Variants in MCU observed in about 807,000 individuals in gnomAD.
MCU encodes mitochondrial calcium uniporter.
A neutral mutation model predicts 45.2 loss-of-function variants in MCU; 12 were observed. That is an observed-to-expected ratio of 0.27 (90% CI 0.17 to 0.43). The LOEUF (loss-of-function observed/expected upper bound fraction) is 0.43. Among genes scored for constraint, MCU ranks in the 20% least tolerant of loss-of-function variants. The pLI is 1.00. For synonymous variants in MCU, 160 were observed against 165.1 expected (o/e 0.97, Z 0.24); for missense variants, 324 against 436.7 (o/e 0.74, Z 2.30).
intron 1 of MCU, among the ~76,000 whole-genome samples, chr10:72,700,129 G>A (rs1159957526): frequency 2.1e-5 from 3 of 143,032 alleles, no homozygotes; most frequent in Admixed American, 1.5e-4. Context: ...GTGTGATCTC[G>A]GCTCACTACA....
intron 1 of MCU, among the ~76,000 whole-genome samples, chr10:72,701,203 TATAG>T (rs1842755029): frequency 6.6e-6 from 1 of 152,244 alleles, no homozygotes; most frequent in Admixed American, 6.5e-5. Flanking sequence ...ACTTGGTTTC[TATAG>T]ATAGAGGAAT....
At chr10:72,696,483 A>G (rs1842689290) in intron 1 of MCU, among the ~76,000 whole-genome samples, 1 of 152,060 alleles carries the variant, frequency 6.6e-6, no homozygotes, top group African/African-American at 2.4e-5. Context: ...AACATTTCCT[A>G]GTTTGAATCT....
rs897957920 is a variant in MCU at position 72,774,221 on chromosome 10, G to A, written c.151-60138G>A. ...AGCAACCTGTTAAGAGATAGGTAAT[G>A]TAGGTAATATTAAAAATGTAAATTG... On this transcript the variant is annotated intron_variant, in intron 1 of 7. Coordinates refer to ENST00000373053, the MANE Select transcript of MCU (RefSeq NM_138357.3). 3.3e-5 allele frequency among the ~76,000 whole-genome samples: 5 copies of A among 152,150 alleles called. No homozygotes were observed. In the East Asian group the frequency reaches 9.6e-4, roughly 29 times the overall value.
intron 1 of MCU, among the ~76,000 whole-genome samples, chr10:72,714,052 C>T (rs1477615592): frequency 4.0e-5 from 6 of 151,196 alleles, no homozygotes; most frequent in East Asian, 2.0e-4. Context: ...CTGCAACCTC[C>T]GCATCCCTGG....
In MCU at chr10:72,811,163, G is replaced by A. The variant is rs150265987; in HGVS notation, c.151-23196G>A. Among the ~76,000 whole-genome samples the A allele has an allele frequency of 5.9e-3, 905 of 152,276 alleles. 11 individuals are homozygous for A. Among genetic ancestry groups the A allele is most frequent in the African/African-American group, 0.02 (849 of 41,544 alleles). ...TGCCAATTTCTCAAGGCGAAAATGC[G>A]TAATTTATAATGTAGGAAAGATAGG... is the stretch of plus-strand genomic sequence containing the variant. On this transcript the variant is annotated intron_variant, in intron 1 of 7. Transcript: ENST00000373053.
chr10:72,871,283 G>C, intron 5 of MCU, 94 bp from the exon 6 acceptor site: 1 of 1,084,442 alleles, frequency 9.2e-7, no homozygotes, highest in Non-Finnish European at 1.4e-6. Flanking sequence ...GTGTCTTGAT[G>C]ATGAGCCCTG....
intron 5 of MCU, among the ~76,000 whole-genome samples, chr10:72,870,765 A>G (rs1235706760): frequency 1.3e-5 from 2 of 152,206 alleles, no homozygotes; most frequent in Non-Finnish European, 2.9e-5. Context: ...GAATATAGGT[A>G]GGTGTGCATT....
intron 2 of MCU, among the ~76,000 whole-genome samples, chr10:72,857,501 G>A (rs1278727080): frequency 6.6e-6 from 1 of 152,026 alleles, no homozygotes; most frequent in East Asian, 1.9e-4. Flanking sequence ...GCCTCCCAAA[G>A]TGCTGGGATT....
At position 72,697,794 on chromosome 10, in the gene MCU, G is replaced by A. The variant is rs371676662; in HGVS notation, c.150+5493G>A. On this transcript the variant is annotated intron_variant, in intron 1 of 7. Coordinates refer to ENST00000373053, the MANE Select transcript of MCU (RefSeq NM_138357.3). ...TTATTTTTTATTGTTTTGAGAGACA[G>A]TCTTGTTCTCTTAACCAGGCTACAG... Among the ~76,000 whole-genome samples the A allele has an allele frequency of 4.6e-5, 7 of 152,102 alleles. No homozygotes were observed. In the East Asian group the frequency reaches 7.7e-4, roughly 17 times the overall value.
intron 4 of MCU, among the ~76,000 whole-genome samples, chr10:72,866,378 G>A (rs1433836603): frequency 1.3e-5 from 2 of 152,060 alleles, no homozygotes; most frequent in Non-Finnish European, 2.9e-5. Context: ...GGTTCAGGAT[G>A]TTTAAGAGGA....
intron 1 of MCU, among the ~76,000 whole-genome samples, chr10:72,702,527 G>A (rs1313528841): frequency 6.6e-6 from 1 of 152,194 alleles, no homozygotes; most frequent in Non-Finnish European, 1.5e-5. Flanking sequence ...TGCCTTTGTG[G>A]TGGTCCTAAA....
rs546628298 is a variant in MCU, at chr10:72,711,836, C to T, written c.150+19535C>T. Among the ~76,000 whole-genome samples the T allele has an allele frequency of 7.1e-3, 1,072 of 151,024 alleles. 8 individuals carry two copies. Among genetic ancestry groups the T allele is most frequent in the Non-Finnish European group, 0.01 (695 of 67,728 alleles). On this transcript the variant is annotated intron_variant, in intron 1 of 7. Coordinates refer to ENST00000373053, the MANE Select transcript of MCU (RefSeq NM_138357.3). ...ACGTCATTCTCCTGCCTCTGCCTCCCGAGTAGCTGGGACTACAGGCGCCCA... is the reference window on the plus strand; with the variant it reads ...ACGTCATTCTCCTGCCTCTGCCTCCTGAGTAGCTGGGACTACAGGCGCCCA...
In MCU at chr10:72,793,004, G is replaced by A. The variant is rs188729844; in HGVS notation, c.151-41355G>A. On this transcript the variant is annotated intron_variant, in intron 1 of 7. Coordinates refer to ENST00000373053, the MANE Select transcript of MCU (RefSeq NM_138357.3). ...CGTGATTCTTTTGCCTCAGCTTCCT[G>A]GGTAGCTGGGATTACAGGCGCATGC... Among the ~76,000 whole-genome samples the A allele has an allele frequency of 7.2e-5, 11 of 152,040 alleles. No individual in the cohort carries two copies. In the East Asian group the frequency reaches 2.1e-3, roughly 30 times the overall value.
intron 1 of MCU, among the ~76,000 whole-genome samples, chr10:72,761,420 T>G (rs1023534752): frequency 3.9e-5 from 6 of 152,178 alleles, no homozygotes; most frequent in Non-Finnish European, 7.3e-5. Flanking sequence ...CTTGGAAAAT[T>G]TATTCTGAGG....
At chr10:72,868,342 A>G (rs1845489295) in intron 4 of MCU, among the ~76,000 whole-genome samples, 2 of 152,052 alleles carry the variant, frequency 1.3e-5, no homozygotes, top group African/African-American at 4.8e-5. Flanking sequence ...TGAGCCCGGG[A>G]GTTCGAGACC....
intron 1 of MCU, among the ~76,000 whole-genome samples, chr10:72,801,052 C>T (rs1232771038): frequency 1.3e-5 from 2 of 152,054 alleles, no homozygotes; most frequent in Non-Finnish European, 2.9e-5. Context: ...TTGATTGCAC[C>T]ACTGCACCCC....
chr10:72,780,770 A>G (rs1257915692), intron 1 of MCU, among the ~76,000 whole-genome samples: 2 of 152,096 alleles, frequency 1.3e-5, no homozygotes, highest in Non-Finnish European at 2.9e-5. Flanking sequence ...TTACCATGTC[A>G]TTGCATCTCT....
chr10:72,828,853 A>G (rs962408728), intron 1 of MCU, among the ~76,000 whole-genome samples: 1 of 152,170 alleles, frequency 6.6e-6, no homozygotes, highest in African/African-American at 2.4e-5. Context: ...TCAAAGGTAA[A>G]TGATTATAAT....
Position 72,769,209 on chromosome 10 carries a change from T to C in MCU, c.151-65150T>C, listed in dbSNP as rs186897866. 5.9e-3 allele frequency among the ~76,000 whole-genome samples: 906 copies of C among 152,274 alleles called. 12 individuals carry two copies. The highest frequency in any genetic ancestry group is 0.021 in the African/African-American group (854 of 41,542). The stretch of plus-strand genomic sequence containing the variant: ...GTGTCAGTGGAATGTCTGAGCAACA[T>C]GACTTTTATTTCTTCCTAAAATGAA... On this transcript the variant is annotated intron_variant, in intron 1 of 7. Coordinates refer to ENST00000373053, the MANE Select transcript of MCU (RefSeq NM_138357.3).
Sources: gnomAD v4.1 joint callset for allele counts (sites outside exome capture counted in the v4.1 genomes callset) on GRCh38, gnomAD v4.1.1 for gene constraint, MANE v1.5 for transcripts, NCBI Gene and HGNC (gene_info 2026-07-23, HGNC 2026-07-21) for gene names.